The following RPTOR variants were observed in gnomAD, a reference collection of about 807,000 sequenced individuals.
RPTOR encodes the protein regulatory-associated protein of mTOR.
A neutral mutation model predicts 169.9 loss-of-function variants in RPTOR; 21 were observed. That is an observed-to-expected ratio of 0.12 (90% CI 0.09 to 0.18). The LOEUF (loss-of-function observed/expected upper bound fraction) is 0.18, where lower values mean the gene tolerates loss of function less well. Ranked by LOEUF, RPTOR falls within the 10% of genes least tolerant of loss-of-function variation. The pLI is 1.00. For missense variants in RPTOR, 1,133 were observed against 1,855.9 expected, an observed-to-expected ratio of 0.61 and a Z score of 7.16; for synonymous variants, 732 against 753.2, an observed-to-expected ratio of 0.97 and a Z score of 0.46.
chr17:80,937,820 C>T (rs927858273), intron 24 of RPTOR, among the ~76,000 whole-genome samples: 2 of 152,246 alleles, frequency 1.3e-5, no homozygotes, highest in Non-Finnish European at 2.9e-5. Context: ...GCATCTTCCA[C>T]GGCATCTCTG....
In RPTOR at chr17:80,960,032, G is replaced by A. The variant is rs2069314889; in HGVS notation, c.3478-46G>A. 1 of 1,606,734 alleles carries A rather than the reference G, an allele frequency of 6.2e-7. No individual in the cohort carries two copies. Among genetic ancestry groups the A allele is most frequent in the Non-Finnish European group, 8.5e-7 (1 of 1,175,678 alleles). On this transcript the variant is annotated intron_variant, in intron 29 of 33. Coordinates refer to ENST00000306801, the MANE Select transcript of RPTOR (RefSeq NM_020761.3). This position sits in a 1 kb window ranked among gnomAD's most constrained non-coding sequence, Gnocchi z 4.8. The stretch of plus-strand genomic sequence containing the variant: ...GGCGCTGCAGGACAGCAGGGAGGGT[G>A]GCTCGGTGCCCCGGTCTTCACCGGG...
At chr17:80,942,921 C>T (rs1198548106) in intron 25 of RPTOR, among the ~76,000 whole-genome samples, 1 of 152,268 alleles carries the variant, frequency 6.6e-6, no homozygotes, top group African/African-American at 2.4e-5. Context: ...CCGTCCAGAA[C>T]TCCCTGCAGC....
intron 11 of RPTOR, among the ~76,000 whole-genome samples, chr17:80,848,396 T>C (rs2067756159): frequency 6.6e-6 from 1 of 152,274 alleles, no homozygotes; most frequent in Non-Finnish European, 1.5e-5. Flanking sequence ...ATTACTGTTC[T>C]TCCTGTATGT....
At chr17:80,945,644 C>T in intron 25 of RPTOR, 23 bp from the exon 26 acceptor site, 2 of 1,457,114 alleles carry the variant, frequency 1.4e-6, no homozygotes, top group South Asian at 1.2e-5. Context: ...CCTGGATCCA[C>T]TCTTGTGTGT....
At chr17:80,874,567 C>A (rs2068085853) in intron 13 of RPTOR, among the ~76,000 whole-genome samples, 1 of 152,046 alleles carries the variant, frequency 6.6e-6, no homozygotes, top group Non-Finnish European at 1.5e-5. Context: ...TACACTGTGC[C>A]TGGGGGTGAA....
At chr17:80,765,814 G>A (rs2066781071) in intron 6 of RPTOR, among the ~76,000 whole-genome samples, 1 of 152,108 alleles carries the variant, frequency 6.6e-6, no homozygotes, top group Admixed American at 6.5e-5. Context: ...AGGTTACCAC[G>A]ACTTACTTAA....
intron 3 of RPTOR, among the ~76,000 whole-genome samples, chr17:80,662,276 C>G (rs970656960): frequency 3.9e-5 from 6 of 152,176 alleles, no homozygotes; most frequent in African/African-American, 1.4e-4. Context: ...CTGAACGCCC[C>G]GATGAGTTCG....
At chr17:80,867,787 A>G (rs2068010143) in intron 13 of RPTOR, among the ~76,000 whole-genome samples, 1 of 152,216 alleles carries the variant, frequency 6.6e-6, no homozygotes, top group Admixed American at 6.5e-5. Context: ...AAAAAGAAAT[A>G]CTTAGGGATA....
intron 2 of RPTOR, among the ~76,000 whole-genome samples, chr17:80,636,089 ATTCCTTCCAG>A (rs1294186294): frequency 2.0e-5 from 3 of 152,150 alleles, no homozygotes; most frequent in Non-Finnish European, 4.4e-5. Flanking sequence ...CTCCAGCTTT[ATTCCTTCCAG>A]CTGTGCTACA....
chr17:80,551,288 G>C (rs2143209527), intron 1 of RPTOR, among the ~76,000 whole-genome samples: 1 of 152,266 alleles, frequency 6.6e-6, no homozygotes, highest in South Asian at 2.1e-4. Context: ...AAAAGAAACA[G>C]AGACAAAGTA....
Position 80,964,409 on chromosome 17 carries a change from G to T in RPTOR, c.*79G>T. On this transcript the variant is annotated 3_prime_UTR_variant, in exon 34 of 34. Coordinates refer to ENST00000306801, the MANE Select transcript of RPTOR (RefSeq NM_020761.3). The stretch of plus-strand genomic sequence containing the variant: ...GTCACTCGCCGGGGCACGGGGCGTC[G>T]GCTGCTGCGGCCCCGCAGTGTGAAC... 7.2e-7 allele frequency: 1 copy of T among 1,395,394 alleles called. No individual in the cohort carries two copies. Among genetic ancestry groups the T allele is most frequent in the East Asian group, 2.3e-5 (1 of 43,590 alleles). The allele number at this position is 1,395,394 out of a possible 1,614,324, so 86.4% of individuals were successfully genotyped here.
At position 80,654,439 on chromosome 17, in the gene RPTOR, A is replaced by C. The variant is rs1242421756; in HGVS notation, c.348+10629A>C. Among the ~76,000 whole-genome samples, 3 of 152,226 alleles carry C rather than the reference A, an allele frequency of 2.0e-5. No homozygotes were observed. The East Asian group carries it at 5.8e-4, about 29-fold the overall frequency. ...CCTTCCCAACCCAGAGAGGCCGATC[A>C]GCTCCGCTTAGCTTCACGTGGTCCT... On this transcript the variant is annotated intron_variant, in intron 3 of 33. Coordinates refer to ENST00000306801, the MANE Select transcript of RPTOR (RefSeq NM_020761.3).
At chr17:80,946,487 C>G (rs1421995361) in intron 26 of RPTOR, among the ~76,000 whole-genome samples, 1 of 152,252 alleles carries the variant, frequency 6.6e-6, no homozygotes, top group Non-Finnish European at 1.5e-5. Context: ...ACCAGCTCCC[C>G]ATTCCTGCAT....
intron 6 of RPTOR, among the ~76,000 whole-genome samples, chr17:80,777,139 AG>A (rs992467908): frequency 6.6e-6 from 1 of 152,036 alleles, no homozygotes; most frequent in African/African-American, 2.4e-5. Flanking sequence ...GGGGAGGCTG[AG>A]GCAGGAGAAT....
rs1237581910 is a variant in RPTOR, at chr17:80,965,165, C to T, written c.*835C>T. 8 of 233,212 alleles carry T rather than the reference C, an allele frequency of 3.4e-5. No individual in the cohort carries two copies. The highest frequency in any genetic ancestry group is 6.6e-5 in the African/African-American group (3 of 45,344). The allele number at this position is 233,212 out of a possible 1,614,324, so 14.4% of individuals were successfully genotyped here. A position where few individuals can be genotyped will look rare whatever the true frequency, so the allele number is the denominator to read the frequency against. ...CCGAAGGGCTGCTCTTCCCCACAGG[C>T]GCGGGGACAGCAGCCCGACCTGTGG... On this transcript the variant is annotated 3_prime_UTR_variant, in exon 34 of 34. Coordinates refer to ENST00000306801, the MANE Select transcript of RPTOR (RefSeq NM_020761.3).
intron 13 of RPTOR, among the ~76,000 whole-genome samples, chr17:80,873,486 G>A (rs140015673): frequency 2.6e-5 from 4 of 152,334 alleles, no homozygotes; most frequent in East Asian, 3.9e-4. Flanking sequence ...AATCTAGCCC[G>A]GAAGGTGGAG....
chr17:80,937,204 A>G lies in RPTOR; in HGVS notation c.2920-3292A>G, dbSNP rs552649593. On this transcript the variant is annotated intron_variant, in intron 24 of 33. Transcript: ENST00000306801. ...AGTGTGAGCGTTTAATGTGTTAGCG[A>G]TCTTTTCCCATGGGTGCCTCTCCCC... Among the ~76,000 whole-genome samples the G allele has an allele frequency of 5.9e-5, 9 of 152,250 alleles. No individual in the cohort carries two copies. The South Asian group carries it at 1.9e-3, about 32-fold the overall frequency.
At chr17:80,601,536 T>C (rs1024450621) in intron 1 of RPTOR, among the ~76,000 whole-genome samples, 3 of 147,484 alleles carry the variant, frequency 2.0e-5, no homozygotes, top group Non-Finnish European at 4.5e-5. Context: ...TTTGCTGCTG[T>C]TGGTGAAGAT....
At chr17:80,851,506 A>G (rs918238546) in intron 11 of RPTOR, among the ~76,000 whole-genome samples, 1 of 152,240 alleles carries the variant, frequency 6.6e-6, no homozygotes, top group Non-Finnish European at 1.5e-5. Context: ...TTGAGAAAAA[A>G]AAAACAGTAC....
Sources: gnomAD v4.1 joint callset for allele counts (sites outside exome capture counted in the v4.1 genomes callset) on GRCh38, gnomAD v4.1.1 for gene constraint, Gnocchi (gnomAD v3.1) non-coding constraint, MANE v1.5 for transcripts, NCBI Gene and HGNC (gene_info 2026-07-23, HGNC 2026-07-21) for gene names.